LYRM7: variants seen among roughly 807,000 people sequenced by gnomAD.
The protein encoded by LYRM7 is complex III assembly factor LYRM7.
In LYRM7, 9 loss-of-function variants were observed where a neutral mutation model predicts 15.8. The observed-to-expected ratio is 0.57, with a 90% CI of 0.34 to 0.99. The LOEUF (loss-of-function observed/expected upper bound fraction) is 0.99. Ranked by LOEUF, LYRM7 falls within the 50% of genes least tolerant of loss-of-function variation. LYRM7 has a pLI of 0.02. For missense variants in LYRM7, 115 were observed against 119.1 expected (o/e 0.97, Z 0.16); for synonymous variants, 39 against 39.4 (o/e 0.99, Z 0.04).
At chr5:131,174,166 G>C (rs1230534940) in intron 1 of LYRM7, among the ~76,000 whole-genome samples, 2 of 152,210 alleles carry the variant, frequency 1.3e-5, no homozygotes, top group African/African-American at 4.8e-5. Flanking sequence ...TTCACCAGGG[G>C]TGAAGTGATG....
intron 4 of LYRM7, among the ~76,000 whole-genome samples, chr5:131,197,846 C>CTGTGTGTGTGTGTGTGTGTGTGTGTG (rs56146861): frequency 7.0e-6 from 1 of 143,290 alleles, no homozygotes; most frequent in African/African-American, 2.6e-5. Flanking sequence ...CATCTGGCCA[C>CTGTGTGTGTGTGTGTGTGTGTGTGTG]TGTGTGTGTG....
intron 4 of LYRM7, among the ~76,000 whole-genome samples, chr5:131,194,581 G>T (rs1475317867): frequency 1.3e-5 from 2 of 152,150 alleles, no homozygotes; most frequent in African/African-American, 2.4e-5. Context: ...TGTTTTGCTG[G>T]CAGGAGTAGC....
rs1756072371 is a variant in LYRM7 at position 131,201,808 on chromosome 5, A to G, written c.*2207A>G. On this transcript the variant is annotated 3_prime_UTR_variant, in exon 5 of 5. Coordinates refer to ENST00000379380, the MANE Select transcript of LYRM7 (RefSeq NM_181705.4). ...GTCACAAAATTCTGAAAGATGTCGC[A>G]CTCTATTCTTATATAGCATATGCTA... is the stretch of plus-strand genomic sequence containing the variant. The G allele has an allele frequency of 6.6e-6, 1 of 152,098 alleles. No individual in the cohort carries two copies. The highest frequency in any genetic ancestry group is 1.5e-5 in the Non-Finnish European group (1 of 68,014). 9.4% of individuals were successfully genotyped at this position (152,098 alleles called of 1,614,324 possible).
chr5:131,181,538 A>G (rs1396228193), intron 2 of LYRM7, among the ~76,000 whole-genome samples: 4 of 146,832 alleles, frequency 2.7e-5, no homozygotes, highest in African/African-American at 7.6e-5. Context: ...GTAATTATCA[A>G]CATGGAATAT....
intron 3 of LYRM7, among the ~76,000 whole-genome samples, chr5:131,183,827 A>C (rs1170859678): frequency 6.6e-6 from 1 of 152,140 alleles, no homozygotes; most frequent in East Asian, 1.9e-4. Context: ...ATGTAAACTG[A>C]GAATTTTTAA....
At chr5:131,179,845 A>G (rs1486728556) in intron 1 of LYRM7, among the ~76,000 whole-genome samples, 2 of 152,070 alleles carry the variant, frequency 1.3e-5, no homozygotes, top group Non-Finnish European at 2.9e-5. Flanking sequence ...CTGAGGCAGG[A>G]GAATTGCTTG....
intron 4 of LYRM7, among the ~76,000 whole-genome samples, chr5:131,191,935 C>G (rs775461936): frequency 6.6e-5 from 10 of 151,600 alleles, no homozygotes; most frequent in Admixed American, 1.3e-4. Context: ...CAAGAAATAG[C>G]TGCATTCTCA....
At position 131,200,563 on chromosome 5, in the gene LYRM7, T is replaced by C. The variant is rs1238880142; in HGVS notation, c.*962T>C. Reference sequence around the variant, plus strand: ...CTATTTTCTCAGTGAATAGTATGTTTTCTCCCATTCACTGATAAATTCTCT... The same window carrying C: ...CTATTTTCTCAGTGAATAGTATGTTCTCTCCCATTCACTGATAAATTCTCT... On this transcript the variant is annotated 3_prime_UTR_variant, in exon 5 of 5. Transcript: ENST00000379380. 1 of 152,340 alleles carries C rather than the reference T, an allele frequency of 6.6e-6. No homozygotes were observed. Among genetic ancestry groups the C allele is most frequent in the Non-Finnish European group, 1.5e-5 (1 of 68,024 alleles). 9.4% of individuals were successfully genotyped at this position (152,340 alleles called of 1,614,324 possible).
At position 131,204,740 on chromosome 5, in the gene LYRM7, A is replaced by AGTGTGTGTGTGTG. The variant is rs1212072260; in HGVS notation, c.*5139_*5140insGTGTGTGTGTGTG. 8.8e-6 allele frequency: 1 copy of AGTGTGTGTGTGTG among 114,284 alleles called. No homozygotes were observed. Among genetic ancestry groups the AGTGTGTGTGTGTG allele is most frequent in the African/African-American group, 5.7e-5 (1 of 17,598 alleles). 7.1% of individuals were successfully genotyped at this position (114,284 alleles called of 1,614,324 possible). A position where few individuals can be genotyped will look rare whatever the true frequency, so the allele number is the denominator to read the frequency against. On this transcript the variant is annotated 3_prime_UTR_variant, in exon 5 of 5. Transcript: ENST00000379380. ...CAAGCATTTCAGAAAACGGATGTTCATTTGTGTGTGTGTGTGTGTGTAAGC... is the reference window on the plus strand; with the variant it reads ...CAAGCATTTCAGAAAACGGATGTTCAGTGTGTGTGTGTGTTTGTGTGTGTGTGTGTGTGTAAGC...
chr5:131,192,903 C>T (rs944942749), intron 4 of LYRM7, among the ~76,000 whole-genome samples: 7 of 152,044 alleles, frequency 4.6e-5, no homozygotes, highest in Admixed American at 1.3e-4. Context: ...GGATATTAGT[C>T]GCCTGGTTTC....
intron 1 of LYRM7, among the ~76,000 whole-genome samples, chr5:131,172,991 A>G (rs553988666): frequency 9.2e-5 from 14 of 152,348 alleles, no homozygotes; most frequent in African/African-American, 2.9e-4. Flanking sequence ...GTGCTATGGC[A>G]ATAATGATAA....
chr5:131,187,558 C>T (rs1286659214), intron 4 of LYRM7, among the ~76,000 whole-genome samples: 1 of 151,562 alleles, frequency 6.6e-6, no homozygotes, highest in Non-Finnish European at 1.5e-5. Flanking sequence ...GATCTTGGCT[C>T]GCTGCAACCT....
chr5:131,185,938 G>C (rs1284068864), intron 3 of LYRM7, among the ~76,000 whole-genome samples: 1 of 152,172 alleles, frequency 6.6e-6, no homozygotes, highest in Non-Finnish European at 1.5e-5. Context: ...TTTCTTTGAA[G>C]TGACACACTC....
In LYRM7 at chr5:131,186,965, A is replaced by G; in HGVS notation, c.163-63A>G. 4 of 921,938 alleles carry G rather than the reference A, an allele frequency of 4.3e-6. No individual in the cohort carries two copies. In the South Asian group the frequency reaches 6.1e-5, roughly 14 times the overall value. The allele number at this position is 921,938 out of a possible 1,614,324, so 57.1% of individuals were successfully genotyped here. A position where few individuals can be genotyped will look rare whatever the true frequency, so the allele number is the denominator to read the frequency against. Reference sequence around the variant, plus strand: ...AATTATAGTAAAACTATCGTTTTCAAAAACAGTACATTCATATGAAACACC... The same window carrying G: ...AATTATAGTAAAACTATCGTTTTCAGAAACAGTACATTCATATGAAACACC... On this transcript the variant is annotated intron_variant, in intron 3 of 4. Transcript: ENST00000379380.
intron 4 of LYRM7, among the ~76,000 whole-genome samples, chr5:131,187,588 A>G (rs2149663361): frequency 6.6e-6 from 1 of 151,482 alleles, no homozygotes; most frequent in East Asian, 1.9e-4. Flanking sequence ...GGGTTCAAGC[A>G]TTTCTCATGC....
At chr5:131,172,316 G>A (rs1755535263) in intron 1 of LYRM7, among the ~76,000 whole-genome samples, 2 of 152,220 alleles carry the variant, frequency 1.3e-5, no homozygotes, top group Non-Finnish European at 2.9e-5. Context: ...GGGAGGCTGA[G>A]GCACAAGAGT....
intron 2 of LYRM7, among the ~76,000 whole-genome samples, chr5:131,181,132 A>G (rs1755683948): frequency 1.3e-5 from 2 of 150,008 alleles, no homozygotes; most frequent in Non-Finnish European, 3.0e-5. Context: ...CTCTACTAAA[A>G]ATACAAAAAT....
chr5:131,196,566 C>CA (rs1173862400), intron 4 of LYRM7, among the ~76,000 whole-genome samples: 1 of 151,876 alleles, frequency 6.6e-6, no homozygotes, highest in Non-Finnish European at 1.5e-5. Flanking sequence ...GCAGTGAAGA[C>CA]AAAACCACTC....
chr5:131,181,316 T>TAC lies in LYRM7; in HGVS notation c.92-899_92-898dup, dbSNP rs1554089874. On this transcript the variant is annotated intron_variant, in intron 2 of 4. Transcript: ENST00000379380. ...AAAAAAAAAAAAATATATATATATA[T>TAC]ACACACACACACACATATATATAAC... Among the ~76,000 whole-genome samples, 48 of 27,632 alleles carry TAC rather than the reference T, an allele frequency of 1.7e-3. 3 individuals carry two copies. The highest frequency in any genetic ancestry group is 3.5e-3 in the East Asian group (4 of 1,156). 18.1% of individuals were successfully genotyped at this position (27,632 alleles called of 152,430 possible). A position where few individuals can be genotyped will look rare whatever the true frequency, so the allele number is the denominator to read the frequency against.
Sources: allele counts gnomAD v4.1 joint callset (sites outside exome capture counted in the v4.1 genomes callset), GRCh38; gene constraint gnomAD v4.1.1; transcripts MANE v1.5; gene names NCBI Gene and HGNC (gene_info 2026-07-23, HGNC 2026-07-21).